The following NDST3 variants were observed in gnomAD, a reference collection of about 807,000 sequenced individuals.
The protein encoded by NDST3 is N-deacetylase and N-sulfotransferase 3.
In NDST3, 58 loss-of-function variants were observed where a neutral mutation model predicts 96.1. The ratio of observed to expected loss-of-function variants is 0.60; its 90% confidence interval spans 0.49 to 0.75. The LOEUF is 0.75. Ranked by LOEUF, NDST3 falls within the 30% of genes least tolerant of loss-of-function variation. The pLI, the probability that NDST3 is intolerant of heterozygous loss-of-function variation, is 0.00. For synonymous variants in NDST3, 333 were observed against 359.7 expected (o/e 0.93, Z 0.84); for missense variants, 788 against 1,034.2 (o/e 0.76, Z 3.27).
intron 6 of NDST3, among the ~76,000 whole-genome samples, chr4:118,178,110 A>G (rs1310970038): frequency 2.0e-5 from 3 of 151,982 alleles, no homozygotes; most frequent in Non-Finnish European, 4.4e-5. Context: ...AAATTGTATT[A>G]TATCTACGAC....
intron 6 of NDST3, among the ~76,000 whole-genome samples, chr4:118,183,749 C>T (rs1451338205): frequency 6.6e-6 from 1 of 152,204 alleles, no homozygotes; most frequent in Non-Finnish European, 1.5e-5. Flanking sequence ...CTTCTGGCCT[C>T]GGATGAAAAC....
chr4:118,182,273 T>C (rs1479909532), intron 6 of NDST3, among the ~76,000 whole-genome samples: 1 of 152,056 alleles, frequency 6.6e-6, no homozygotes, highest in Non-Finnish European at 1.5e-5. Context: ...ACAAAAGCTG[T>C]TCATGGGAGG....
At chr4:118,249,830 G>A (rs1741557886) in intron 12 of NDST3, among the ~76,000 whole-genome samples, 1 of 151,910 alleles carries the variant, frequency 6.6e-6, no homozygotes, top group South Asian at 2.1e-4. Context: ...CATTGTAATT[G>A]TGCAGTTCAA....
chr4:118,143,089 C>T (rs1196664621), intron 5 of NDST3, among the ~76,000 whole-genome samples: 1 of 152,116 alleles, frequency 6.6e-6, no homozygotes, highest in Non-Finnish European at 1.5e-5. Context: ...AATGTCATTC[C>T]CTAAGAAGCA....
At chr4:118,100,134 A>G (rs1402295342) in intron 2 of NDST3, among the ~76,000 whole-genome samples, 3 of 151,980 alleles carry the variant, frequency 2.0e-5, no homozygotes, top group Non-Finnish European at 4.4e-5. Context: ...TGAATTGGTG[A>G]GCTAAGTAAA....
At chr4:118,100,444 T>C (rs1205290805) in intron 2 of NDST3, among the ~76,000 whole-genome samples, 1 of 152,070 alleles carries the variant, frequency 6.6e-6, no homozygotes, top group Non-Finnish European at 1.5e-5. Flanking sequence ...AATGGCCTCC[T>C]ATATCTATAT....
chr4:118,067,952 A>T (rs1024535866), intron 2 of NDST3, among the ~76,000 whole-genome samples: 3 of 152,090 alleles, frequency 2.0e-5, no homozygotes, highest in East Asian at 1.9e-4. Context: ...AAAGAAAAAA[A>T]AGAAAAGAAA....
At chr4:118,075,071 G>A (rs11733562) in intron 2 of NDST3, among the ~76,000 whole-genome samples, 113,640 of 150,948 alleles carry the variant, frequency 0.75, 45,431 homozygotes, top group South Asian at 0.92. Context: ...CCCATGACAG[G>A]CCCTGATGTG....
At chr4:118,162,063 AAGG>A (rs1449755663) in intron 6 of NDST3, among the ~76,000 whole-genome samples, 1 of 152,186 alleles carries the variant, frequency 6.6e-6, no homozygotes, top group Admixed American at 6.5e-5. Context: ...GGACCTCTTC[AAGG>A]AGAACTACAA....
chr4:118,214,338 A>G (rs1739050480), intron 6 of NDST3, among the ~76,000 whole-genome samples: 1 of 152,164 alleles, frequency 6.6e-6, no homozygotes, highest in Non-Finnish European at 1.5e-5. Flanking sequence ...AATGTGGCTA[A>G]TCCTAATTGA....
intron 2 of NDST3, among the ~76,000 whole-genome samples, chr4:118,082,328 C>T (rs1241388328): frequency 6.6e-6 from 1 of 152,152 alleles, no homozygotes; most frequent in South Asian, 2.1e-4. Context: ...TTCATGGTTG[C>T]TGGCAGAAGG....
In NDST3 at chr4:118,224,601, G is replaced by A. The variant is rs762580005; in HGVS notation, c.1650G>A (p.Gln550=). 3 of 1,612,750 alleles carry A rather than the reference G, an allele frequency of 1.9e-6. No homozygotes were observed. The highest frequency in any genetic ancestry group is 1.1e-5 in the South Asian group (1 of 90,684). ...AGAGCTGGACCAACCTGCGACTTCA[G>A]ACTCTGCCTCCAGTACAACTGGCCC... ...FVKSWTNLRL[Q]TLPPVQLAHK... Residue 550 remains glutamine, a synonymous_variant, in exon 7 of 14, where the codon CAG becomes CAA. Coordinates refer to ENST00000296499, the MANE Select transcript of NDST3 (RefSeq NM_004784.3).
chr4:118,049,154 C>CA (rs1000742764), intron 1 of NDST3, among the ~76,000 whole-genome samples: 49 of 151,860 alleles, frequency 3.2e-4, no homozygotes, highest in African/African-American at 1.1e-3. Context: ...AGGCAGAAAC[C>CA]AAAAAATTCT....
chr4:118,076,455 ACATAATCCCATATT>A (rs1368442690), intron 2 of NDST3, among the ~76,000 whole-genome samples: 1 of 59,220 alleles, frequency 1.7e-5, no homozygotes, highest in Admixed American at 2.8e-4. Flanking sequence ...TGGTCTCTTT[ACATAATCCCATATT>A]CTCAGAGGTT....
At chr4:118,179,144 C>A (rs1156433768) in intron 6 of NDST3, among the ~76,000 whole-genome samples, 1 of 151,932 alleles carries the variant, frequency 6.6e-6, no homozygotes, top group East Asian at 1.9e-4. Flanking sequence ...ATAGACAAAC[C>A]TGACCTTTGC....
Position 118,227,038 on chromosome 4 carries a change from T to A in NDST3, c.1819+56T>A, listed in dbSNP as rs778551683. The A allele has an allele frequency of 2.1e-5, 24 of 1,130,106 alleles. No homozygotes were observed. In the Admixed American group the frequency reaches 3.4e-4, roughly 16 times the overall value. 70.0% of individuals were successfully genotyped at this position (1,130,106 alleles called of 1,614,324 possible). A position where few individuals can be genotyped will look rare whatever the true frequency, so the allele number is the denominator to read the frequency against. ...TGTAAATTTTCTGATGACTAGACAA[T>A]GAGATCTTGTCACAATAAGTTCGTA... On this transcript the variant is annotated intron_variant, in intron 8 of 13. Coordinates refer to ENST00000296499, the MANE Select transcript of NDST3 (RefSeq NM_004784.3).
chr4:118,180,568 T>C (rs1403846), intron 6 of NDST3, among the ~76,000 whole-genome samples: 25,753 of 151,972 alleles, frequency 0.17, 2,331 homozygotes, highest in South Asian at 0.23. Context: ...GAAGTAACAG[T>C]TTGGAGACAA....
In NDST3 at chr4:118,257,825, T is replaced by A. The variant is rs1337256586; in HGVS notation, c.*2113T>A. The stretch of plus-strand genomic sequence containing the variant: ...ACAAATATGGGAAACACAGTCTTCA[T>A]GCTTACTGCTGTCTCTTTTATAGCA... On this transcript the variant is annotated 3_prime_UTR_variant, in exon 14 of 14. Transcript: ENST00000296499. The A allele has an allele frequency of 6.6e-6, 1 of 152,232 alleles. No individual in the cohort carries two copies. Among genetic ancestry groups the A allele is most frequent in the Non-Finnish European group, 1.5e-5 (1 of 68,038 alleles). 9.4% of individuals were successfully genotyped at this position (152,232 alleles called of 1,614,324 possible).
chr4:118,238,164 A>G (rs666558), intron 10 of NDST3, among the ~76,000 whole-genome samples: 44 of 20,424 alleles, frequency 2.2e-3, no homozygotes, highest in East Asian at 3.7e-3. Context: ...GAAAAGAAAG[A>G]AAGAAAGAAA....
Sources: allele counts gnomAD v4.1 joint callset (sites outside exome capture counted in the v4.1 genomes callset), GRCh38; gene constraint gnomAD v4.1.1; transcripts MANE v1.5; gene names NCBI Gene and HGNC (gene_info 2026-07-23, HGNC 2026-07-21).